KAZN: variants seen among roughly 807,000 people sequenced by gnomAD.
KAZN encodes the protein kazrin.
A neutral mutation model predicts 87.4 loss-of-function variants in KAZN; 40 were observed. The observed-to-expected ratio is 0.46, with a 90% confidence interval of 0.36 to 0.60. The LOEUF (loss-of-function observed/expected upper bound fraction) is 0.60, where lower values mean the gene tolerates loss of function less well. KAZN is among the 20% of genes least tolerant of loss of function. The pLI, the probability that KAZN is intolerant of heterozygous loss-of-function variation, is 0.00. For synonymous variants in KAZN, 466 were observed against 458.3 expected (o/e 1.02, Z -0.22); for missense variants, 898 against 1,073.9 (o/e 0.84, Z 2.29).
chr1:14,048,851 C>A (rs1204517311), intron 1 of KAZN, among the ~76,000 whole-genome samples: 1 of 152,212 alleles, frequency 6.6e-6, no homozygotes, highest in Non-Finnish European at 1.5e-5. Context: ...ACCACACTGA[C>A]TTCCATAATG....
chr1:13,922,864 T>C (rs967841409), intron 1 of KAZN, among the ~76,000 whole-genome samples: 1 of 152,220 alleles, frequency 6.6e-6, no homozygotes, highest in African/African-American at 2.4e-5. Context: ...TGTAAAGCTG[T>C]ACCATTTTAT....
At chr1:14,603,677 C>T (rs1187733862) in intron 1 of KAZN, among the ~76,000 whole-genome samples, 2 of 152,162 alleles carry the variant, frequency 1.3e-5, no homozygotes, top group Non-Finnish European at 2.9e-5. Context: ...ACTCATCTAA[C>T]AGGAGCCTGG....
chr1:14,050,080 G>A (rs1300097627), intron 1 of KAZN, among the ~76,000 whole-genome samples: 3 of 150,908 alleles, frequency 2.0e-5, no homozygotes, highest in African/African-American at 7.3e-5. Flanking sequence ...CATTGCACAT[G>A]CCTGTGTACA....
At chr1:14,384,926 G>A (rs1350193849) in intron 2 of KAZN, among the ~76,000 whole-genome samples, 106 of 151,518 alleles carry the variant, frequency 7.0e-4, no homozygotes, top group Non-Finnish European at 1.2e-3. Flanking sequence ...GTAGAATTCG[G>A]CTGTGAATCC....
intron 1 of KAZN, among the ~76,000 whole-genome samples, chr1:13,969,275 G>T (rs969449437): frequency 6.6e-6 from 1 of 152,168 alleles, no homozygotes; most frequent in Non-Finnish European, 1.5e-5. Context: ...TGGAAATAGA[G>T]TCATTGCAGA....
intron 1 of KAZN, among the ~76,000 whole-genome samples, chr1:14,816,793 T>C (rs1027035799): frequency 6.6e-6 from 1 of 152,136 alleles, no homozygotes; most frequent in Non-Finnish European, 1.5e-5. Context: ...TCTAAATAGA[T>C]AGAGATGGCT....
At chr1:14,436,168 G>T (rs1310178881) in intron 2 of KAZN, among the ~76,000 whole-genome samples, 1 of 152,092 alleles carries the variant, frequency 6.6e-6, no homozygotes, top group Non-Finnish European at 1.5e-5. Flanking sequence ...GGTGGAGGTT[G>T]CAGTGAGCCG....
At chr1:14,279,204 G>C (rs780733988) in intron 2 of KAZN, among the ~76,000 whole-genome samples, 2 of 152,158 alleles carry the variant, frequency 1.3e-5, no homozygotes, top group Non-Finnish European at 2.9e-5. Context: ...GACAGACTGG[G>C]AAAGGAAGAG....
intron 2 of KAZN, among the ~76,000 whole-genome samples, chr1:14,523,016 G>C (rs1321876346): frequency 6.6e-6 from 1 of 152,086 alleles, no homozygotes; most frequent in Non-Finnish European, 1.5e-5. Flanking sequence ...CAGCATGTAC[G>C]AGCTATGAGT....
chr1:14,678,397 C>T (rs1024486388), intron 1 of KAZN, among the ~76,000 whole-genome samples: 10 of 152,304 alleles, frequency 6.6e-5, no homozygotes, highest in Admixed American at 3.9e-4. Context: ...GAGGGGCTCT[C>T]GGGCCTTTGG....
chr1:14,197,702 C>T (rs551336977), intron 2 of KAZN, among the ~76,000 whole-genome samples: 1 of 152,034 alleles, frequency 6.6e-6, no homozygotes, highest in African/African-American at 2.4e-5. Context: ...AAAACAATAA[C>T]AACAACAAAA....
At chr1:14,194,520 C>T (rs919305555) in intron 2 of KAZN, among the ~76,000 whole-genome samples, 7 of 152,172 alleles carry the variant, frequency 4.6e-5, no homozygotes, top group African/African-American at 1.7e-4. Flanking sequence ...GCCCTTTCCC[C>T]ATCGTTGTCT....
At chr1:13,981,089 T>TATATATACATATATATATATATA (rs1553181094) in intron 1 of KAZN, among the ~76,000 whole-genome samples, 1 of 63,134 alleles carries the variant, frequency 1.6e-5, no homozygotes, top group Non-Finnish European at 3.4e-5. Context: ...AAATTACTCT[T>TATATATACATATATATATATATA]TATATATATA....
At chr1:14,524,489 C>T (rs1671762685) in intron 2 of KAZN, among the ~76,000 whole-genome samples, 1 of 152,260 alleles carries the variant, frequency 6.6e-6, no homozygotes, top group Middle Eastern at 3.4e-3. Flanking sequence ...AAGATTAGAC[C>T]AATTTATCAC....
chr1:14,838,163 G>A lies in KAZN; in HGVS notation c.227-122521G>A, dbSNP rs535017972. ...GAGGGGACCAATGCTGCACCCTCAC[G>A]TGGAGGAAGGGATGGAAGGGCAAAA... On this transcript the variant is annotated intron_variant, in intron 1 of 14. Coordinates refer to ENST00000376030, the MANE Select transcript of KAZN (RefSeq NM_201628.3). Among the ~76,000 whole-genome samples, 195 of 152,286 alleles carry A rather than the reference G, an allele frequency of 1.3e-3. 1 individual carries two copies. In the South Asian group the frequency reaches 0.016, roughly 12 times the overall value.
chr1:13,958,414 CA>C (rs891693272), intron 1 of KAZN, among the ~76,000 whole-genome samples: 20 of 147,262 alleles, frequency 1.4e-4, no homozygotes, highest in South Asian at 6.5e-4. Context: ...ACTAAAAATA[CA>C]AAAAAAAAAT....
chr1:14,500,555 A>G (rs1215318420), intron 2 of KAZN, among the ~76,000 whole-genome samples: 1 of 151,962 alleles, frequency 6.6e-6, no homozygotes, highest in Non-Finnish European at 1.5e-5. Context: ...AACCAAGAGC[A>G]AACTAAACTC....
At position 14,960,763 on chromosome 1, in the gene KAZN, C is replaced by T. The variant is rs1226604346; in HGVS notation, c.306C>T (p.Asp102=). ...LRQMKEMLAK[D]LEESQGGKSS... ...AGATGAAGGAGATGTTGGCGAAGGA[C>T]CTGGAGGAGTCGCAGGGCGGCAAGT... The change falls in exon 2 of 15, where the codon GAC becomes GAT. Residue 102 remains aspartate (D), a synonymous_variant. Coordinates refer to ENST00000376030, the MANE Select transcript of KAZN (RefSeq NM_201628.3). 1 of 1,606,004 alleles carries T rather than the reference C, an allele frequency of 6.2e-7. No individual in the cohort carries two copies. Among genetic ancestry groups the T allele is most frequent in the East Asian group, 2.2e-5 (1 of 44,674 alleles).
rs78684637 is a variant in KAZN, at chr1:14,996,873, G to A, written c.418+35998G>A. 4.0e-3 allele frequency among the ~76,000 whole-genome samples: 609 copies of A among 152,270 alleles called. 24 individuals are homozygous for A. The East Asian group carries it at 0.094, about 23-fold the overall frequency. ...CGTTTGCCTGCGGCCCCATGACCTCGCACCCACCTCCCTGCCTGACCTCAC... is the reference window on the plus strand; with the variant it reads ...CGTTTGCCTGCGGCCCCATGACCTCACACCCACCTCCCTGCCTGACCTCAC... On this transcript the variant is annotated intron_variant, in intron 2 of 14. Transcript: ENST00000376030. The surrounding 1 kb of genome is among the most constrained non-coding windows in gnomAD (Gnocchi z 5.9).
Sources: gnomAD v4.1 joint callset for allele counts (sites outside exome capture counted in the v4.1 genomes callset) on GRCh38, gnomAD v4.1.1 for gene constraint, Gnocchi (gnomAD v3.1) non-coding constraint, MANE v1.5 for transcripts, NCBI Gene and HGNC (gene_info 2026-07-23, HGNC 2026-07-21) for gene names.